SLC35A2: variants seen among roughly 807,000 people sequenced by gnomAD.
The protein encoded by SLC35A2 is solute carrier family 35 member A2.
Under a neutral mutation model 17.3 loss-of-function variants are expected in SLC35A2, and 1 was observed. That is an observed-to-expected ratio of 0.06 (90% CI 0.02 to 0.27). The LOEUF (loss-of-function observed/expected upper bound fraction) is 0.27. Among genes scored for constraint, SLC35A2 ranks in the 10% least tolerant of loss-of-function variants. SLC35A2 has a pLI of 1.00. For synonymous variants in SLC35A2, 161 were observed against 161.3 expected (o/e 1.00, Z 0.01); for missense variants, 191 against 339.3 (o/e 0.56, Z 3.43).
intron 2 of SLC35A2, among the ~76,000 whole-genome samples, chrX:48,908,639 ATC>A (rs782259087): frequency 8.9e-6 from 1 of 111,773 alleles, no homozygotes; most frequent in East Asian, 2.8e-4. Flanking sequence ...GTCTGTGGCT[ATC>A]TGTTATTTCC....
At chrX:48,906,870 A>G (rs935761568) in intron 2 of SLC35A2, among the ~76,000 whole-genome samples, 6 of 112,360 alleles carry the variant, frequency 5.3e-5, no homozygotes, top group African/African-American at 1.9e-4. Context: ...TTTGTGTACA[A>G]TGAAATAACC....
At chrX:48,904,202 A>G in intron 4 of SLC35A2, 1 of 806,255 alleles carries the variant, frequency 1.2e-6, no homozygotes, top group Admixed American at 6.6e-5. Context: ...AGCTGGCCCA[A>G]GGCCACACAA....
At chrX:48,903,887 ACAGC>A in intron 4 of SLC35A2, 3 of 781,897 alleles carry the variant, frequency 3.8e-6, no homozygotes, top group South Asian at 1.2e-4. Flanking sequence ...GGTGCCTCAC[ACAGC>A]CAGACGGATA....
At chrX:48,909,241 T>G (rs782804621) in intron 2 of SLC35A2, among the ~76,000 whole-genome samples, 1 of 112,445 alleles carries the variant, frequency 8.9e-6, no homozygotes, top group Non-Finnish European at 1.9e-5. Flanking sequence ...GCTAACATGG[T>G]GAAACCCCTT....
rs782542377 is a variant in SLC35A2 at position 48,903,392 on chromosome X, G to C, written c.*46C>G. ...GAGTTTGGTCCCAGCTGGGCCAAGGGCAAGAAGAGAGAACGAGGCCAGGCC... is the reference window on the plus strand; with the variant it reads ...GAGTTTGGTCCCAGCTGGGCCAAGGCCAAGAAGAGAGAACGAGGCCAGGCC... On this transcript the variant is annotated 3_prime_UTR_variant, in exon 5 of 5. Coordinates refer to ENST00000247138, the MANE Select transcript of SLC35A2 (RefSeq NM_005660.3). 1 of 578,535 alleles carries C rather than the reference G, an allele frequency of 1.7e-6. No homozygotes were observed. 47.7% of individuals were successfully genotyped at this position (578,535 alleles called of 1,213,427 possible).
upstream of SLC35A2, chrX:48,911,752 G>A (rs1321455636): frequency 8.6e-7 from 1 of 1,160,418 alleles, no homozygotes; most frequent in Non-Finnish European, 1.2e-6. Flanking sequence ...CGTCAGGGTG[G>A]TGGCTTTTCT....
chrX:48,910,208 G>A (rs1439956070), intron 1 of SLC35A2: 5 of 1,076,074 alleles, frequency 4.6e-6, no homozygotes, highest in African/African-American at 3.7e-5. Flanking sequence ...AGGGAGAAAT[G>A]GGCCCCACCC....
At chrX:48,910,722 C>G (rs1011169612) in intron 1 of SLC35A2, among the ~76,000 whole-genome samples, 43 of 110,975 alleles carry the variant, frequency 3.9e-4, no homozygotes, top group African/African-American at 1.4e-3. Context: ...CAACTGGTTC[C>G]TCTCGAACCA....
Position 48,905,710 on chromosome X carries a change from C to A in SLC35A2, c.427-228G>T, listed in dbSNP as rs1455946241. Reference sequence around the variant, plus strand: ...CAAAAGGATGGCTGTGCCAAGAAGTCCACATCCCAATCCCATTTCCTGGCT... The same window carrying A: ...CAAAAGGATGGCTGTGCCAAGAAGTACACATCCCAATCCCATTTCCTGGCT... On this transcript the variant is annotated intron_variant, in intron 3 of 4. Transcript: ENST00000247138. 1.4e-5 allele frequency: 5 copies of A among 365,032 alleles called. No homozygotes were observed. The East Asian group carries it at 1.7e-4, about 12-fold the overall frequency. The allele number at this position is 365,032 out of a possible 1,213,427, so 30.1% of individuals were successfully genotyped here. A position where few individuals can be genotyped will look rare whatever the true frequency, so the allele number is the denominator to read the frequency against.
chrX:48,903,590 T>C (rs2063460498), intron 4 of SLC35A2, 125 bp from the exon 5 acceptor site: 15 of 567,280 alleles, frequency 2.6e-5, no homozygotes, highest in Non-Finnish European at 3.8e-5. Flanking sequence ...GGTGCCCACC[T>C]GGTCAGAAAG....
chrX:48,904,211 A>G (rs1310449210), intron 4 of SLC35A2: 1 of 813,242 alleles, frequency 1.2e-6, no homozygotes, highest in African/African-American at 2.2e-5. Context: ...AAGGCCACAC[A>G]AAAGACGGAA....
chrX:48,908,719 G>A (rs1020161707), intron 2 of SLC35A2, among the ~76,000 whole-genome samples: 2 of 112,116 alleles, frequency 1.8e-5, no homozygotes, highest in African/African-American at 6.5e-5. Context: ...CACGGCCTGA[G>A]GCAGTGTTCA....
In SLC35A2 at chrX:48,905,036, G is replaced by A. The variant is rs781917175; in HGVS notation, c.873C>T (p.Tyr291=). 21 of 1,208,083 alleles carry A rather than the reference G, an allele frequency of 1.7e-5. No homozygotes were observed. Among genetic ancestry groups the A allele is most frequent in the African/African-American group, 3.5e-5 (2 of 57,193 alleles). ...CAAAGCCCTTGAGGATATTGTCAGC[G>A]TACTTGACAACCACAGCCACCAGTA... is the stretch of plus-strand genomic sequence containing the variant. ...GGLLVAVVVK[Y]ADNILKGFAT... is the part of the protein sequence containing the mutation. The change falls in exon 4 of 5, where the codon TAC becomes TAT. Residue 291 remains tyrosine (Y), a synonymous_variant. Coordinates refer to ENST00000247138, the MANE Select transcript of SLC35A2 (RefSeq NM_005660.3).
intron 1 of SLC35A2, among the ~76,000 whole-genome samples, chrX:48,910,514 G>A (rs1569511649): frequency 9.0e-6 from 1 of 111,702 alleles, no homozygotes; most frequent in Non-Finnish European, 1.9e-5. Flanking sequence ...CCTGTTTAAT[G>A]AGGGACTGTC....
At chrX:48,911,950 T>C (rs2063540189), upstream of SLC35A2, 1 of 1,164,010 alleles carries the variant, frequency 8.6e-7, no homozygotes, top group African/African-American at 1.8e-5. Context: ...TTCCAGATCA[T>C]CCCCCGATCT....
intron 2 of SLC35A2, among the ~76,000 whole-genome samples, chrX:48,908,335 C>G (rs1270534551): frequency 2.7e-5 from 3 of 110,622 alleles, no homozygotes; most frequent in Non-Finnish European, 3.8e-5. Context: ...AGGCTGGTCT[C>G]TAACTCCTGA....
At chrX:48,903,759 G>A (rs1229958917) in intron 4 of SLC35A2, 3 of 940,227 alleles carry the variant, frequency 3.2e-6, no homozygotes, top group African/African-American at 2.0e-5. Context: ...GACAGCCCAG[G>A]CATCTTCCAT....
At position 48,909,866 on chromosome X, in the gene SLC35A2, C is replaced by G. The variant is rs781826333; in HGVS notation, c.222G>C (p.Ala74=). The change falls in exon 2 of 5, where the codon GCG becomes GCC. Residue 74 remains alanine (A), a synonymous_variant. Coordinates refer to ENST00000247138, the MANE Select transcript of SLC35A2 (RefSeq NM_005660.3). ...RFFATTAVVM[A]EVLKGLTCLL... The stretch of plus-strand genomic sequence containing the variant: ...GGCAGGTGAGACCTTTGAGCACTTC[C>G]GCCATGACCACAGCAGTGGTGGCAA... The G allele has an allele frequency of 1.4e-5, 17 of 1,210,254 alleles. No homozygotes were observed. Among genetic ancestry groups the G allele is most frequent in the Non-Finnish European group, 1.8e-5 (16 of 894,649 alleles).
Position 48,904,730 on chromosome X carries a change from C to A in SLC35A2, c.1163+16G>T, listed in dbSNP as rs781969841. 33 of 1,209,938 alleles carry A rather than the reference C, an allele frequency of 2.7e-5. No homozygotes were observed. The highest frequency in any genetic ancestry group is 3.4e-6 in the Non-Finnish European group (3 of 894,984). On this transcript the variant is annotated intron_variant, in intron 4 of 4. Coordinates refer to ENST00000247138, the MANE Select transcript of SLC35A2 (RefSeq NM_005660.3). ...GTCCCCCCATTGCTGCCAGCCCTCA[C>A]TTCACCAGCACTGACTTTGGCAGAA... is the stretch of plus-strand genomic sequence containing the variant.
Sources: gnomAD v4.1 joint callset for allele counts (sites outside exome capture counted in the v4.1 genomes callset) on GRCh38, gnomAD v4.1.1 for gene constraint, MANE v1.5 for transcripts, NCBI Gene and HGNC (gene_info 2026-07-23, HGNC 2026-07-21) for gene names.